The following PKD1L1 variants were observed in gnomAD, a reference collection of about 807,000 sequenced individuals.
The protein encoded by PKD1L1 is polycystin 1 like 1, transient receptor potential channel interacting, also known as polycystin-1-like protein 1.
Under a neutral mutation model 323.4 loss-of-function variants are expected in PKD1L1, and 236 were observed. The ratio of observed to expected loss-of-function variants is 0.73; its 90% CI spans 0.66 to 0.81. PKD1L1 has a LOEUF of 0.81. Ranked by LOEUF, PKD1L1 falls within the 40% of genes least tolerant of loss-of-function variation. The pLI is 0.00. For missense variants in PKD1L1, 3,320 were observed against 3,508.0 expected, an observed-to-expected ratio of 0.95 and a Z score of 1.35; for synonymous variants, 1,344 against 1,335.0, an observed-to-expected ratio of 1.01 and a Z score of -0.15.
chr7:47,781,495 G>A (rs898558657), intron 56 of PKD1L1, among the ~76,000 whole-genome samples: 16 of 143,720 alleles, frequency 1.1e-4, no homozygotes, highest in Admixed American at 2.3e-4. Flanking sequence ...TGCAAGCTCC[G>A]CCTCCTGGGT....
At chr7:47,893,558 G>A (rs932868059) in intron 15 of PKD1L1, among the ~76,000 whole-genome samples, 3 of 152,146 alleles carry the variant, frequency 2.0e-5, no homozygotes, top group Non-Finnish European at 4.4e-5. Flanking sequence ...CATCTACCTG[G>A]AGATGAGCAA....
intron 27 of PKD1L1, among the ~76,000 whole-genome samples, chr7:47,858,456 T>C (rs938926111): frequency 7.9e-5 from 12 of 151,966 alleles, no homozygotes; most frequent in African/African-American, 2.4e-4. Flanking sequence ...AAGGATAAAA[T>C]AGAAGCAAGG....
chr7:47,895,752 C>A (rs1305529379), intron 14 of PKD1L1, among the ~76,000 whole-genome samples: 3 of 152,034 alleles, frequency 2.0e-5, no homozygotes, highest in Admixed American at 6.5e-5. Flanking sequence ...AATTAGTTTA[C>A]GGTTGGTGTT....
intron 4 of PKD1L1, among the ~76,000 whole-genome samples, chr7:47,933,307 A>G (rs531188355): frequency 2.6e-5 from 4 of 152,272 alleles, no homozygotes; most frequent in South Asian, 4.2e-4. Context: ...CTGTAAACCA[A>G]CGAGAATTCC....
intron 54 of PKD1L1, among the ~76,000 whole-genome samples, chr7:47,797,153 A>G (rs1784560025): frequency 6.6e-6 from 1 of 152,194 alleles, no homozygotes; most frequent in Non-Finnish European, 1.5e-5. Context: ...TCTGACCCAG[A>G]GCCTCCCCTC....
intron 51 of PKD1L1, chr7:47,809,116 A>G (rs1230525400): frequency 6.2e-6 from 1 of 160,042 alleles, no homozygotes; most frequent in African/African-American, 2.4e-5. Flanking sequence ...TTTTGTTTTA[A>G]TTTTTTATTT....
intron 40 of PKD1L1, among the ~76,000 whole-genome samples, chr7:47,833,903 G>A (rs1039682612): frequency 2.6e-5 from 4 of 152,192 alleles, no homozygotes; most frequent in African/African-American, 9.7e-5. Flanking sequence ...GGAGCTCCCA[G>A]CACTGGGGCA....
At chr7:47,787,277 G>A (rs1786830132) in intron 56 of PKD1L1, among the ~76,000 whole-genome samples, 2 of 152,176 alleles carry the variant, frequency 1.3e-5, no homozygotes, top group Non-Finnish European at 2.9e-5. Flanking sequence ...TGGGAGCCAG[G>A]TGAGAGAGAC....
chr7:47,783,183 T>G (rs567727839), intron 56 of PKD1L1, among the ~76,000 whole-genome samples: 1 of 152,268 alleles, frequency 6.6e-6, no homozygotes, highest in Non-Finnish European at 1.5e-5. Flanking sequence ...AAGTATTATT[T>G]AAAATAGCAA....
intron 56 of PKD1L1, among the ~76,000 whole-genome samples, chr7:47,786,375 A>G (rs570091627): frequency 5.3e-5 from 8 of 152,176 alleles, no homozygotes; most frequent in Non-Finnish European, 1.2e-4. Context: ...AACACTGACC[A>G]GCAGAGTTCA....
At chr7:47,829,772 G>A (rs1344140049) in intron 43 of PKD1L1, among the ~76,000 whole-genome samples, 171 bp from the exon 44 acceptor site, 1 of 152,118 alleles carries the variant, frequency 6.6e-6, no homozygotes, top group African/African-American at 2.4e-5. Flanking sequence ...GCATGGCCCC[G>A]CCCAAGAGAC....
intron 1 of PKD1L1, among the ~76,000 whole-genome samples, chr7:47,947,697 G>T (rs1051327204): frequency 6.6e-6 from 1 of 152,248 alleles, no homozygotes; most frequent in South Asian, 2.1e-4. Context: ...GCTGGGTGCG[G>T]TGGCTTATGC....
In PKD1L1 at chr7:47,870,285, C is replaced by T. The variant is rs142980901; in HGVS notation, c.3896+3614G>A. Among the ~76,000 whole-genome samples, 19 of 151,596 alleles carry T rather than the reference C, an allele frequency of 1.3e-4. No homozygotes were observed. The East Asian group carries it at 3.7e-3, about 29-fold the overall frequency. On this transcript the variant is annotated intron_variant, in intron 24 of 56. Transcript: ENST00000289672. ...ATGAAATAGAGAATAGAAAAACAACCACAACAATAAAAATCAATGAAGCCA... is the reference window on the plus strand; with the variant it reads ...ATGAAATAGAGAATAGAAAAACAACTACAACAATAAAAATCAATGAAGCCA...
At chr7:47,838,045 G>A (rs1039308077) in intron 36 of PKD1L1, among the ~76,000 whole-genome samples, 2 of 152,212 alleles carry the variant, frequency 1.3e-5, no homozygotes, top group African/African-American at 4.8e-5. Context: ...AGCAACGTAT[G>A]TCTCCCGTTG....
Position 47,877,633 on chromosome 7 carries a change from TAAAGAG to T in PKD1L1, c.3521-8_3521-3del. The T allele has an allele frequency of 6.2e-7, 1 of 1,613,072 alleles. No individual in the cohort carries two copies. The highest frequency in any genetic ancestry group is 1.1e-5 in the South Asian group (1 of 90,928). On this transcript the variant is annotated splice_region_variant and splice_polypyrimidine_tract_variant and intron_variant, in intron 21 of 56. Transcript: ENST00000289672. ...TACCCAGTAAGCCATGCTTCGAAGC[TAAAGAG>T]AAAGATGAAGCAGCGGTTTCACCCA...
chr7:47,894,005 G>C lies in PKD1L1; in HGVS notation c.2326C>G (p.Arg776Gly), dbSNP rs199648939. 12 of 1,610,366 alleles carry C rather than the reference G, an allele frequency of 7.5e-6. No individual in the cohort carries two copies. The African/African-American group carries it at 1.3e-4, about 18-fold the overall frequency. Reference protein sequence around the residue: ...YSNYCVGLEVRAQAPVSVISE... With the variant: ...YSNYCVGLEVGAQAPVSVISE... ...ATCACACTGACAGGGGCCTGGGCTC[G>C]CACCTCCAGGCCCACACAGTAGTTG... Residue 776 changes from arginine (R) to glycine (G), a missense_variant, in exon 15 of 57, where the codon CGA becomes GGA. Transcript: ENST00000289672.
chr7:47,807,931 C>G (rs1016183531), intron 52 of PKD1L1, among the ~76,000 whole-genome samples: 1 of 152,152 alleles, frequency 6.6e-6, no homozygotes, highest in African/African-American at 2.4e-5. Flanking sequence ...AGCAAGTCAG[C>G]GCTAGCCTCC....
intron 24 of PKD1L1, among the ~76,000 whole-genome samples, chr7:47,867,476 G>T (rs1217678080): frequency 2.0e-5 from 3 of 152,186 alleles, no homozygotes; most frequent in Non-Finnish European, 4.4e-5. Context: ...AGGAAAAGGA[G>T]GTAGGCCAAT....
chr7:47,826,185 G>A (rs751546585), intron 45 of PKD1L1, among the ~76,000 whole-genome samples: 14 of 152,074 alleles, frequency 9.2e-5, no homozygotes, highest in Non-Finnish European at 1.5e-4. Flanking sequence ...CATCCTTCCC[G>A]CCACCATGTT....
Sources: gnomAD v4.1 joint callset for allele counts (sites outside exome capture counted in the v4.1 genomes callset) on GRCh38, gnomAD v4.1.1 for gene constraint, MANE v1.5 for transcripts, NCBI Gene and HGNC (gene_info 2026-07-23, HGNC 2026-07-21) for gene names.